The following AGBL4 variants were observed in gnomAD, a reference collection of about 807,000 sequenced individuals.
AGBL4 encodes cytosolic carboxypeptidase 6.
Under a neutral mutation model 66.4 loss-of-function variants are expected in AGBL4, and 58 were observed. The ratio of observed to expected loss-of-function variants is 0.87; its 90% CI spans 0.71 to 1.09. The LOEUF (loss-of-function observed/expected upper bound fraction) is 1.09. Ranked by LOEUF, AGBL4 falls within the 50% of genes least tolerant of loss-of-function variation. AGBL4 has a pLI of 0.00. For missense variants in AGBL4, 579 were observed against 631.0 expected (o/e 0.92, Z 0.88); for synonymous variants, 234 against 222.9 (o/e 1.05, Z -0.44).
intron 3 of AGBL4, among the ~76,000 whole-genome samples, chr1:49,299,144 T>TG (rs1212422255): frequency 3.3e-5 from 5 of 152,080 alleles, no homozygotes; most frequent in Non-Finnish European, 2.9e-5. Flanking sequence ...ATATCACAGT[T>TG]GAAAAAAAAG....
chr1:48,981,749 G>T (rs568061603), intron 5 of AGBL4, among the ~76,000 whole-genome samples: 1 of 152,144 alleles, frequency 6.6e-6, no homozygotes, highest in Non-Finnish European at 1.5e-5. Flanking sequence ...GCCAGGCGTG[G>T]TAGTGCGTGC....
chr1:49,816,256 A>G (rs1420400075), intron 2 of AGBL4, among the ~76,000 whole-genome samples: 1 of 152,160 alleles, frequency 6.6e-6, no homozygotes, highest in Non-Finnish European at 1.5e-5. Context: ...TCATAATTAG[A>G]GTATGCTTTC....
At chr1:48,644,193 A>T (rs1645800298) in intron 8 of AGBL4, among the ~76,000 whole-genome samples, 1 of 152,098 alleles carries the variant, frequency 6.6e-6, no homozygotes, top group Non-Finnish European at 1.5e-5. Context: ...GTTTCGTATT[A>T]TTATATTACT....
intron 8 of AGBL4, among the ~76,000 whole-genome samples, chr1:48,649,596 T>TGATC (rs1645894452): frequency 6.6e-6 from 1 of 152,224 alleles, no homozygotes; most frequent in Non-Finnish European, 1.5e-5. Flanking sequence ...ATAAAGAGCT[T>TGATC]GATCTATCAT....
intron 1 of AGBL4, among the ~76,000 whole-genome samples, chr1:50,018,128 A>G (rs938382187): frequency 6.6e-5 from 10 of 152,092 alleles, no homozygotes; most frequent in Admixed American, 1.3e-4. Flanking sequence ...CTTATATAAA[A>G]GTTTTCAATC....
intron 3 of AGBL4, among the ~76,000 whole-genome samples, chr1:49,263,810 T>C (rs1245076020): frequency 6.6e-6 from 1 of 152,158 alleles, no homozygotes; most frequent in Non-Finnish European, 1.5e-5. Flanking sequence ...ATTTTGCCCA[T>C]TGTATAAGGA....
intron 7 of AGBL4, among the ~76,000 whole-genome samples, chr1:48,657,855 C>A (rs936786147): frequency 7.2e-5 from 11 of 152,286 alleles, no homozygotes; most frequent in African/African-American, 2.6e-4. Context: ...ACATTTCCTG[C>A]ACTTCTTTTT....
At chr1:49,403,250 T>C (rs1645125827) in intron 3 of AGBL4, among the ~76,000 whole-genome samples, 1 of 152,226 alleles carries the variant, frequency 6.6e-6, no homozygotes, top group Non-Finnish European at 1.5e-5. Context: ...CTTTGTTGCC[T>C]CTTATCTTTT....
intron 1 of AGBL4, among the ~76,000 whole-genome samples, chr1:49,901,960 T>G (rs1649808462): frequency 6.6e-6 from 1 of 152,132 alleles, no homozygotes; most frequent in African/African-American, 2.4e-5. Flanking sequence ...TTTCAATAAG[T>G]GGTGCTGTGA....
intron 11 of AGBL4, chr1:48,583,888 C>G (rs957932418): frequency 1.3e-5 from 2 of 149,986 alleles, no homozygotes; most frequent in Non-Finnish European, 3.0e-5. Context: ...CAAACAGAAC[C>G]CAGGTTAAAT....
chr1:48,684,910 G>A (rs915130066), intron 6 of AGBL4, among the ~76,000 whole-genome samples: 2 of 152,186 alleles, frequency 1.3e-5, no homozygotes, highest in Admixed American at 6.5e-5. Flanking sequence ...AAAGAAACAG[G>A]TAATCAGAGG....
chr1:49,467,801 A>G (rs1347311160), intron 3 of AGBL4, among the ~76,000 whole-genome samples: 1 of 151,904 alleles, frequency 6.6e-6, no homozygotes, highest in East Asian at 1.9e-4. Context: ...AAATTCAAGT[A>G]GGACCTAAGA....
At chr1:48,891,557 A>G (rs1650975552) in intron 5 of AGBL4, among the ~76,000 whole-genome samples, 1 of 152,132 alleles carries the variant, frequency 6.6e-6, no homozygotes, top group Middle Eastern at 3.2e-3. Flanking sequence ...TATCTTAGGA[A>G]CCTCTTACCA....
At chr1:48,612,406 T>C (rs555861831) in intron 9 of AGBL4, among the ~76,000 whole-genome samples, 2 of 152,292 alleles carry the variant, frequency 1.3e-5, no homozygotes, top group South Asian at 2.1e-4. Flanking sequence ...GAAGGAAAAC[T>C]GGATGGCTGG....
intron 1 of AGBL4, among the ~76,000 whole-genome samples, chr1:49,882,977 T>C (rs1220089927): frequency 1.3e-5 from 2 of 152,088 alleles, no homozygotes; most frequent in South Asian, 2.1e-4. Flanking sequence ...ATATGTGAGC[T>C]TAGTACCTAC....
intron 3 of AGBL4, among the ~76,000 whole-genome samples, chr1:49,489,152 G>C (rs1647133632): frequency 6.6e-6 from 1 of 151,796 alleles, no homozygotes; most frequent in Non-Finnish European, 1.5e-5. Flanking sequence ...CCCACCAACA[G>C]TGTATGAGGG....
chr1:49,655,769 T>G (rs963249641), intron 3 of AGBL4, among the ~76,000 whole-genome samples: 2 of 152,130 alleles, frequency 1.3e-5, no homozygotes, highest in Non-Finnish European at 2.9e-5. Flanking sequence ...CAGGAGCTGG[T>G]TTTTTGAAAA....
rs1553180280 is a variant in AGBL4 at position 49,302,608 on chromosome 1, T to TTA, written c.283-56745_283-56744insTA. The stretch of plus-strand genomic sequence containing the variant: ...ATTTTATTTTATATTTTATTTTATT[T>TTA]TTTTATTTTATTTTATTTTATTTTA... On this transcript the variant is annotated intron_variant, in intron 3 of 13. Transcript: ENST00000371839. 6.4e-5 allele frequency among the ~76,000 whole-genome samples: 7 copies of TTA among 110,124 alleles called. No individual in the cohort carries two copies. In the South Asian group the frequency reaches 8.7e-4, roughly 14 times the overall value. The allele number at this position is 110,124 out of a possible 152,430, so 72.2% of individuals were successfully genotyped here. A position where few individuals can be genotyped will look rare whatever the true frequency, so the allele number is the denominator to read the frequency against.
At chr1:48,762,288 T>G (rs1441485504) in intron 6 of AGBL4, among the ~76,000 whole-genome samples, 3 of 152,242 alleles carry the variant, frequency 2.0e-5, no homozygotes, top group Admixed American at 6.5e-5. Context: ...ATTTTCTCAT[T>G]CTTTAAGCTC....
Sources: allele counts gnomAD v4.1 joint callset (sites outside exome capture counted in the v4.1 genomes callset), GRCh38; gene constraint gnomAD v4.1.1; transcripts MANE v1.5; gene names NCBI Gene and HGNC (gene_info 2026-07-23, HGNC 2026-07-21).